The following ARHGAP10 variants were observed in gnomAD, a reference collection of about 807,000 sequenced individuals.
ARHGAP10 encodes the protein rho GTPase-activating protein 10.
ARHGAP10 carries 87 observed loss-of-function variants against 108.6 expected under a neutral mutation model. The ratio of observed to expected loss-of-function variants is 0.80; its 90% confidence interval spans 0.67 to 0.96. The LOEUF (loss-of-function observed/expected upper bound fraction) is 0.96. ARHGAP10 is among the 40% of genes least tolerant of loss of function. The pLI, the probability that ARHGAP10 is intolerant of heterozygous loss-of-function variation, is 0.00. For missense variants in ARHGAP10, 939 were observed against 954.5 expected, an observed-to-expected ratio of 0.98 and a Z score of 0.21; for synonymous variants, 347 against 341.1, an observed-to-expected ratio of 1.02 and a Z score of -0.19.
At chr4:147,812,091 G>A (rs1264513677) in intron 1 of ARHGAP10, among the ~76,000 whole-genome samples, 1 of 152,214 alleles carries the variant, frequency 6.6e-6, no homozygotes, top group Non-Finnish European at 1.5e-5. Flanking sequence ...CCTGATGGGT[G>A]AGAGTTGCAT....
chr4:148,024,036 G>C (rs975456758), intron 19 of ARHGAP10, among the ~76,000 whole-genome samples: 3 of 152,220 alleles, frequency 2.0e-5, no homozygotes, highest in African/African-American at 7.2e-5. Flanking sequence ...AGTGTTGCCA[G>C]ATTGCCCAGT....
chr4:147,988,437 C>CA (rs1560861128), intron 18 of ARHGAP10, among the ~76,000 whole-genome samples: 1 of 151,936 alleles, frequency 6.6e-6, no homozygotes, highest in Non-Finnish European at 1.5e-5. Context: ...CCTGCCGGTC[C>CA]TTTGGTCAGG....
intron 8 of ARHGAP10, among the ~76,000 whole-genome samples, chr4:147,878,351 T>C (rs1273459127): frequency 6.6e-6 from 1 of 152,142 alleles, no homozygotes; most frequent in Non-Finnish European, 1.5e-5. Context: ...CGCCTTGGCC[T>C]CCCAAAGTGC....
At chr4:147,785,936 T>C (rs1730873906) in intron 1 of ARHGAP10, among the ~76,000 whole-genome samples, 2 of 152,180 alleles carry the variant, frequency 1.3e-5, no homozygotes, top group South Asian at 2.1e-4. Context: ...TTCAAGTCTC[T>C]AGTAGTGAAA....
intron 1 of ARHGAP10, among the ~76,000 whole-genome samples, chr4:147,784,369 C>A (rs1345883552): frequency 8.1e-6 from 1 of 123,862 alleles, no homozygotes; most frequent in African/African-American, 3.0e-5. Context: ...TTATATAATA[C>A]ATATTAAATT....
chr4:148,032,243 G>A (rs1728178446), intron 19 of ARHGAP10, among the ~76,000 whole-genome samples: 1 of 147,770 alleles, frequency 6.8e-6, no homozygotes, highest in Non-Finnish European at 1.5e-5. Flanking sequence ...AGCCAGATCT[G>A]TAGCCATTGA....
At chr4:148,017,682 A>ATATATATATATATATATATATG (rs1437383455) in intron 18 of ARHGAP10, among the ~76,000 whole-genome samples, 68 of 135,226 alleles carry the variant, frequency 5.0e-4, no homozygotes, top group Non-Finnish European at 8.3e-4. Context: ...ATATATATAT[A>ATATATATATATATATATATATG]TGTGTGTGTA....
intron 1 of ARHGAP10, among the ~76,000 whole-genome samples, chr4:147,810,262 C>T (rs1021485245): frequency 2.6e-5 from 4 of 152,192 alleles, no homozygotes; most frequent in Non-Finnish European, 5.9e-5. Flanking sequence ...TTATTTAAAA[C>T]TTGCATTCTT....
At chr4:147,774,197 A>C (rs558394894) in intron 1 of ARHGAP10, among the ~76,000 whole-genome samples, 1 of 152,346 alleles carries the variant, frequency 6.6e-6, no homozygotes, top group Non-Finnish European at 1.5e-5. Flanking sequence ...ATCTTGGTAC[A>C]TGTTAAATTC....
At chr4:147,956,457 G>A (rs990245) in intron 16 of ARHGAP10, among the ~76,000 whole-genome samples, 3 of 152,104 alleles carry the variant, frequency 2.0e-5, no homozygotes, top group Non-Finnish European at 2.9e-5. Flanking sequence ...GGTTCTATTC[G>A]TTTTTGTTTT....
chr4:147,829,525 A>G (rs1181426972), intron 3 of ARHGAP10, among the ~76,000 whole-genome samples: 1 of 152,098 alleles, frequency 6.6e-6, no homozygotes, highest in African/African-American at 2.4e-5. Flanking sequence ...TTTGCTGATC[A>G]TGTTGCCACC....
rs201782289 is a variant in ARHGAP10, at chr4:147,959,233, AT to A, written c.1450+3870del. On this transcript the variant is annotated intron_variant, in intron 16 of 22. Coordinates refer to ENST00000336498, the MANE Select transcript of ARHGAP10 (RefSeq NM_024605.4). ...TGGTTTTATTTAAAAAGCCCAGAGT[AT>A]TTTTTTTTTTGTTTTTGAAGAAGAG... is the stretch of plus-strand genomic sequence containing the variant. Among the ~76,000 whole-genome samples the A allele has an allele frequency of 6.1e-3, 900 of 146,550 alleles. 7 individuals are homozygous for A. The highest frequency in any genetic ancestry group is 0.018 in the African/African-American group (746 of 40,456).
In ARHGAP10 at chr4:147,935,062, A is replaced by G. The variant is rs571589586; in HGVS notation, c.1229-4763A>G. ...ATGACAGTTGAATAAATCTGTGAAG[A>G]GAAGGGGAAGAGCATTCCTGCTGGG... is the stretch of plus-strand genomic sequence containing the variant. On this transcript the variant is annotated intron_variant, in intron 13 of 22. Transcript: ENST00000336498. 2.6e-5 allele frequency among the ~76,000 whole-genome samples: 4 copies of G among 152,328 alleles called. 1 individual carries two copies. The South Asian group carries it at 8.3e-4, about 32-fold the overall frequency.
chr4:148,018,425 C>T (rs752588532), intron 18 of ARHGAP10, among the ~76,000 whole-genome samples: 2 of 152,114 alleles, frequency 1.3e-5, no homozygotes, highest in Non-Finnish European at 2.9e-5. Flanking sequence ...TACATTTTAT[C>T]TTCTAGAATT....
intron 1 of ARHGAP10, among the ~76,000 whole-genome samples, chr4:147,756,217 C>G (rs1316048404): frequency 6.6e-6 from 1 of 151,976 alleles, no homozygotes; most frequent in Non-Finnish European, 1.5e-5. Flanking sequence ...GCTAATACCT[C>G]ATGGGCCGCA....
rs559986272 is a variant in ARHGAP10, at chr4:147,906,252, T to C, written c.1035-386T>C. Among the ~76,000 whole-genome samples, 3 of 152,324 alleles carry C rather than the reference T, an allele frequency of 2.0e-5. No homozygotes were observed. In the South Asian group the frequency reaches 6.2e-4, roughly 32 times the overall value. ...TGTACATCCATGTTCATAGCAGCAC[T>C]GTTCACAACAGGCAAAAAGGTGGAA... On this transcript the variant is annotated intron_variant, in intron 10 of 22. Transcript: ENST00000336498.
In ARHGAP10 at chr4:147,914,292, C is replaced by T. The variant is rs77196060; in HGVS notation, c.1228+1153C>T. 5.2e-3 allele frequency among the ~76,000 whole-genome samples: 792 copies of T among 152,226 alleles called. 7 individuals carry two copies. Among genetic ancestry groups the T allele is most frequent in the Non-Finnish European group, 8.4e-3 (571 of 68,012 alleles). ...TACATACACAGAAAATTTCTGTTTC[C>T]CTCACTGAGTTCTTTTCTGGCACCT... On this transcript the variant is annotated intron_variant, in intron 13 of 22. Coordinates refer to ENST00000336498, the MANE Select transcript of ARHGAP10 (RefSeq NM_024605.4).
At chr4:148,010,263 G>A (rs1741121356) in intron 18 of ARHGAP10, among the ~76,000 whole-genome samples, 1 of 152,176 alleles carries the variant, frequency 6.6e-6, no homozygotes, top group Non-Finnish European at 1.5e-5. Flanking sequence ...GCTGGATCAG[G>A]AGACTGAGCT....
chr4:147,917,534 A>C (rs1255285277), intron 13 of ARHGAP10: 1 of 152,190 alleles, frequency 6.6e-6, no homozygotes, highest in Non-Finnish European at 1.5e-5. Context: ...TCCTTAATTC[A>C]ATCAGATTTT....
Sources: gnomAD v4.1 joint callset for allele counts (sites outside exome capture counted in the v4.1 genomes callset) on GRCh38, gnomAD v4.1.1 for gene constraint, MANE v1.5 for transcripts, NCBI Gene and HGNC (gene_info 2026-07-23, HGNC 2026-07-21) for gene names.